The following ARB2A variants were observed in gnomAD, a reference collection of about 807,000 sequenced individuals.
ARB2A encodes the protein cotranscriptional regulator ARB2A.
chr5:93,832,681 C>G, the ARB2A span, among the ~76,000 whole-genome samples: 1 of 152,172 alleles, frequency 6.6e-6, no homozygotes, highest in Admixed American at 6.5e-5. Flanking sequence ...AAAGTCATCT[C>G]AGATCCAGAG....
At chr5:93,699,516 C>CA in the ARB2A span, among the ~76,000 whole-genome samples, 5 of 152,214 alleles carry the variant, frequency 3.3e-5, no homozygotes, top group African/African-American at 1.2e-4. Flanking sequence ...GGAATCCCCC[C>CA]TTCCCTCAGT....
chr5:94,097,134 G>A, the ARB2A span, among the ~76,000 whole-genome samples: 1 of 152,150 alleles, frequency 6.6e-6, no homozygotes, highest in Non-Finnish European at 1.5e-5. Flanking sequence ...GCTCCTCTAC[G>A]CGGCTTTAGC....
chr5:93,668,828 C>G, the ARB2A span, among the ~76,000 whole-genome samples: 1 of 152,122 alleles, frequency 6.6e-6, no homozygotes, highest in Admixed American at 6.5e-5. Flanking sequence ...TATTGATCAT[C>G]AGACCATGAA....
the ARB2A span, among the ~76,000 whole-genome samples, chr5:93,987,962 T>C: frequency 6.6e-6 from 1 of 152,210 alleles, no homozygotes; most frequent in Admixed American, 6.5e-5. Context: ...TCCTCCTCCA[T>C]TCTGTTAATC....
At chr5:94,090,942 G>A in the ARB2A span, among the ~76,000 whole-genome samples, 1 of 152,062 alleles carries the variant, frequency 6.6e-6, no homozygotes, top group African/African-American at 2.4e-5. Flanking sequence ...ATGTAAAGAA[G>A]GCGCTTCCTT....
At chr5:93,620,970 C>T in the ARB2A span, 6 of 1,600,202 alleles carry the variant, frequency 3.7e-6, no homozygotes, top group Non-Finnish European at 5.1e-6. Flanking sequence ...CGGCCTCCCC[C>T]GTCGCGCTCG....
chr5:93,671,042 C>T, the ARB2A span, among the ~76,000 whole-genome samples: 1 of 152,170 alleles, frequency 6.6e-6, no homozygotes, highest in Non-Finnish European at 1.5e-5. Context: ...AAAATGCTGA[C>T]ACTGATTATG....
At chr5:94,055,833 A>G in the ARB2A span, 2 of 985,456 alleles carry the variant, frequency 2.0e-6, no homozygotes, top group Non-Finnish European at 1.2e-6. Flanking sequence ...CCTTTTAATC[A>G]GACATCGAAA....
chr5:94,000,185 A>C, the ARB2A span, among the ~76,000 whole-genome samples: 1 of 152,130 alleles, frequency 6.6e-6, no homozygotes, highest in African/African-American at 2.4e-5. Context: ...AATACCAAAA[A>C]GTGCGATTGC....
chr5:93,824,305 C>A, the ARB2A span: 2 of 1,438,256 alleles, frequency 1.4e-6, no homozygotes, highest in Admixed American at 2.1e-5. Context: ...ACATATTATA[C>A]CTAATTATTA....
At chr5:93,634,512 G>C in the ARB2A span, among the ~76,000 whole-genome samples, 2 of 152,174 alleles carry the variant, frequency 1.3e-5, no homozygotes, top group African/African-American at 2.4e-5. Flanking sequence ...GGTGGACTCA[G>C]GTGGCCATAG....
chr5:94,036,881 A>C, the ARB2A span, among the ~76,000 whole-genome samples: 1 of 152,208 alleles, frequency 6.6e-6, no homozygotes. Flanking sequence ...TTTCAAGACC[A>C]TAATCAGCGC....
the ARB2A span, chr5:93,620,627 G>T: frequency 1.1e-5 from 2 of 189,390 alleles, no homozygotes; most frequent in South Asian, 3.8e-4. Flanking sequence ...GCTCCGCTAC[G>T]GCGGGCGCTA....
At chr5:94,108,700 C>CA in the ARB2A span, among the ~76,000 whole-genome samples, 3 of 151,364 alleles carry the variant, frequency 2.0e-5, no homozygotes, top group South Asian at 2.1e-4. Context: ...TCGCTATTAT[C>CA]AAAAAAACAA....
the ARB2A span, among the ~76,000 whole-genome samples, chr5:93,857,635 G>A: frequency 8.5e-5 from 13 of 152,156 alleles, no homozygotes; most frequent in African/African-American, 2.9e-4. Flanking sequence ...TAAGCCCGTC[G>A]GAAAAGTGCA....
chr5:93,717,218 T>G, the ARB2A span, among the ~76,000 whole-genome samples: 1 of 152,196 alleles, frequency 6.6e-6, no homozygotes, highest in Non-Finnish European at 1.5e-5. Context: ...GGTTAATTGA[T>G]TCTAGATTTT....
chr5:93,830,838 T>C, the ARB2A span, among the ~76,000 whole-genome samples: 2 of 152,106 alleles, frequency 1.3e-5, no homozygotes, highest in Non-Finnish European at 2.9e-5. Flanking sequence ...TTTATTTCTA[T>C]TGTAATATAT....
the ARB2A span, among the ~76,000 whole-genome samples, chr5:93,698,797 A>G: frequency 1.3e-5 from 2 of 152,250 alleles, no homozygotes. Context: ...AATAATGATT[A>G]TAAGATAGAC....
the ARB2A span, chr5:93,861,225 T>C: frequency 5.9e-5 from 9 of 152,256 alleles, no homozygotes; most frequent in African/African-American, 1.9e-4. Flanking sequence ...TGCTTCTTTG[T>C]CTTTGCTTAT....
Sources: allele counts gnomAD v4.1 joint callset (sites outside exome capture counted in the v4.1 genomes callset), GRCh38; gene constraint gnomAD v4.1.1; transcripts MANE v1.5; gene names NCBI Gene and HGNC (gene_info 2026-07-23, HGNC 2026-07-21).